The following ARID5B variants were observed in gnomAD, a reference collection of about 807,000 sequenced individuals.
ARID5B encodes the protein AT-rich interaction domain 5B.
Under a neutral mutation model 97.2 loss-of-function variants are expected in ARID5B, and 13 were observed. That is an observed-to-expected ratio of 0.13 (90% CI 0.09 to 0.21). The LOEUF (loss-of-function observed/expected upper bound fraction) is 0.21. Among genes scored for constraint, ARID5B ranks in the 10% least tolerant of loss-of-function variants. The pLI, the probability that ARID5B is intolerant of heterozygous loss-of-function variation, is 1.00. For missense variants in ARID5B, 1,210 were observed against 1,465.3 expected (o/e 0.83, Z 2.84); for synonymous variants, 556 against 570.3 (o/e 0.97, Z 0.36).
In ARID5B at chr10:62,044,482, A is replaced by T. The variant is rs74358465; in HGVS notation, c.734-6406A>T. Among the ~76,000 whole-genome samples, 459 of 151,472 alleles carry T rather than the reference A, an allele frequency of 3.0e-3. 6 individuals are homozygous for T. In the East Asian group the frequency reaches 0.035, roughly 11 times the overall value. On this transcript the variant is annotated intron_variant, in intron 4 of 9. Coordinates refer to ENST00000279873, the MANE Select transcript of ARID5B (RefSeq NM_032199.3). ...TGCAGCCTCAAACTGCTGAACTCAA[A>T]TAATCATCTCACCTCAGCCTCCCAA...
chr10:61,925,703 T>A (rs1844092420), intron 2 of ARID5B, among the ~76,000 whole-genome samples: 1 of 151,974 alleles, frequency 6.6e-6, no homozygotes, highest in East Asian at 1.9e-4. Context: ...TATGAGAGGG[T>A]GTTTCTAGGA....
At chr10:62,069,447 T>C (rs562789412) in intron 7 of ARID5B, among the ~76,000 whole-genome samples, 38 of 152,132 alleles carry the variant, frequency 2.5e-4, no homozygotes, top group African/African-American at 8.9e-4. Context: ...TCCAGGGAGG[T>C]GTCTTAAATG....
intron 4 of ARID5B, among the ~76,000 whole-genome samples, chr10:62,016,479 T>G (rs1839285775): frequency 6.6e-6 from 1 of 152,240 alleles, no homozygotes; most frequent in African/African-American, 2.4e-5. Flanking sequence ...ATATTGAAAT[T>G]TGAACCAAAC....
chr10:62,000,022 T>C lies in ARID5B; in HGVS notation c.503-69T>C. On this transcript the variant is annotated intron_variant, in intron 3 of 9. Coordinates refer to ENST00000279873, the MANE Select transcript of ARID5B (RefSeq NM_032199.3). The surrounding 1 kb of genome is among the most constrained non-coding windows in gnomAD (Gnocchi z 4.4). Reference sequence around the variant, plus strand: ...CCAAACCAGAAGTGATTATTGAAATTATACCATGGCCATGAAAGTTCTTTG... The same window carrying C: ...CCAAACCAGAAGTGATTATTGAAATCATACCATGGCCATGAAAGTTCTTTG... 1 of 1,454,940 alleles carries C rather than the reference T, an allele frequency of 6.9e-7. No individual in the cohort carries two copies. Among genetic ancestry groups the C allele is most frequent in the African/African-American group, 1.4e-5 (1 of 71,744 alleles). The allele number at this position is 1,454,940 out of a possible 1,614,324, so 90.1% of individuals were successfully genotyped here.
chr10:61,957,863 G>A (rs1472703813), intron 3 of ARID5B, among the ~76,000 whole-genome samples: 2 of 152,144 alleles, frequency 1.3e-5, no homozygotes, highest in Non-Finnish European at 2.9e-5. Flanking sequence ...GCAGTGTTTA[G>A]CCCAATCTGT....
intron 2 of ARID5B, among the ~76,000 whole-genome samples, chr10:61,922,918 T>C (rs1031301922): frequency 5.9e-5 from 9 of 152,354 alleles, no homozygotes; most frequent in Admixed American, 2.0e-4. Context: ...AACATACATA[T>C]GTAGGCATTA....
intron 4 of ARID5B, chr10:62,046,929 T>C (rs988539832): frequency 6.6e-6 from 1 of 152,228 alleles, no homozygotes; most frequent in Non-Finnish European, 1.5e-5. Flanking sequence ...GTGTTTTCAT[T>C]TGCGGAGAGC....
rs549640693 is a variant in ARID5B, at chr10:61,998,651, A to G, written c.503-1440A>G. On this transcript the variant is annotated intron_variant, in intron 3 of 9. Transcript: ENST00000279873. ...AGGAAGCTTCGCTAAATTTGCTGAA[A>G]TGTTCCCCTGAGTTAAGGTGGTTTT... Among the ~76,000 whole-genome samples, 10 of 152,352 alleles carry G rather than the reference A, an allele frequency of 6.6e-5. No homozygotes were observed. The South Asian group carries it at 8.3e-4, about 13-fold the overall frequency.
chr10:62,075,207 G>A (rs1255644009), intron 8 of ARID5B, among the ~76,000 whole-genome samples: 1 of 152,220 alleles, frequency 6.6e-6, no homozygotes, highest in Non-Finnish European at 1.5e-5. Context: ...AGCCCACACT[G>A]TTGCTGTAGG....
intron 3 of ARID5B, among the ~76,000 whole-genome samples, chr10:61,955,581 C>CA (rs1203205973): frequency 1.3e-5 from 2 of 152,160 alleles, no homozygotes; most frequent in African/African-American, 4.8e-5. Flanking sequence ...AATCTAGTTA[C>CA]AAGATTTTAG....
chr10:62,055,314 T>C (rs1839840877), intron 5 of ARID5B, among the ~76,000 whole-genome samples: 1 of 152,208 alleles, frequency 6.6e-6, no homozygotes, highest in Non-Finnish European at 1.5e-5. Flanking sequence ...GGCATGATCT[T>C]GTGATGTTGT....
At chr10:62,006,327 A>G (rs1315332886) in intron 4 of ARID5B, among the ~76,000 whole-genome samples, 1 of 152,148 alleles carries the variant, frequency 6.6e-6, no homozygotes. Context: ...CTGTAGTCCC[A>G]TCTACTCGGG....
intron 9 of ARID5B, among the ~76,000 whole-genome samples, chr10:62,089,686 C>T (rs9299447): frequency 0.79 from 120,373 of 151,852 alleles, 48,375 homozygotes; most frequent in Middle Eastern, 0.93. Flanking sequence ...CACCACCACA[C>T]CTGGCTAATT....
intron 7 of ARID5B, among the ~76,000 whole-genome samples, chr10:62,060,793 G>A (rs1839911901): frequency 6.6e-6 from 1 of 152,110 alleles, no homozygotes; most frequent in South Asian, 2.1e-4. Flanking sequence ...ATATGATATT[G>A]AACAATATTA....
rs188383105 is a variant in ARID5B at position 61,959,264 on chromosome 10, T to C, written c.502+18856T>C. ...ATAAAACAATTTCTCCTGAAGGCAA[T>C]GTTAGTGGTGGATTTCACAAAATCA... On this transcript the variant is annotated intron_variant, in intron 3 of 9. Coordinates refer to ENST00000279873, the MANE Select transcript of ARID5B (RefSeq NM_032199.3). Among the ~76,000 whole-genome samples the C allele has an allele frequency of 3.4e-3, 516 of 152,322 alleles. 1 individual carries two copies. Among genetic ancestry groups the C allele is most frequent in the South Asian group, 0.01 (50 of 4,826 alleles).
intron 3 of ARID5B, among the ~76,000 whole-genome samples, chr10:61,944,818 A>C (rs1304156410): frequency 6.6e-6 from 1 of 152,236 alleles, no homozygotes; most frequent in African/African-American, 2.4e-5. Flanking sequence ...GTGGATGGGC[A>C]GTTATGAATG....
At chr10:61,937,401 G>C (rs1049114936) in intron 2 of ARID5B, among the ~76,000 whole-genome samples, 1 of 152,138 alleles carries the variant, frequency 6.6e-6, no homozygotes, top group East Asian at 1.9e-4. Context: ...TCTTGACTTA[G>C]AGGATTTATG....
At chr10:61,946,927 A>T (rs780354136) in intron 3 of ARID5B, among the ~76,000 whole-genome samples, 18 of 152,194 alleles carry the variant, frequency 1.2e-4, no homozygotes, top group Non-Finnish European at 2.2e-4. Flanking sequence ...TCTCAAAAAA[A>T]AATAATAATA....
rs1164342402 is a variant in ARID5B, at chr10:61,983,867, C to CTTTT, written c.503-16196_503-16193dup. On this transcript the variant is annotated intron_variant, in intron 3 of 9. Coordinates refer to ENST00000279873, the MANE Select transcript of ARID5B (RefSeq NM_032199.3). The stretch of plus-strand genomic sequence containing the variant: ...TATATTTTTTAAACCCCCTTTTGTT[C>CTTTT]TTTTTTTTTTTTTTTTTTTTTTTTT... 3.1e-3 allele frequency among the ~76,000 whole-genome samples: 85 copies of CTTTT among 27,586 alleles called. 22 individuals are homozygous for CTTTT. Among genetic ancestry groups the CTTTT allele is most frequent in the African/African-American group, 4.6e-3 (29 of 6,322 alleles). 18.1% of individuals were successfully genotyped at this position (27,586 alleles called of 152,430 possible). A position where few individuals can be genotyped will look rare whatever the true frequency, so the allele number is the denominator to read the frequency against.
Sources: allele counts gnomAD v4.1 joint callset (sites outside exome capture counted in the v4.1 genomes callset), GRCh38; gene constraint gnomAD v4.1.1; non-coding constraint Gnocchi (gnomAD v3.1); transcripts MANE v1.5; gene names NCBI Gene and HGNC (gene_info 2026-07-23, HGNC 2026-07-21).